Variants in CREB3L3 observed in about 807,000 individuals in gnomAD.
CREB3L3 encodes cyclic AMP-responsive element-binding protein 3-like protein 3.
CREB3L3 carries 40 observed loss-of-function variants against 44.6 expected under a neutral mutation model. The ratio of observed to expected loss-of-function variants is 0.90; its 90% CI spans 0.70 to 1.17. CREB3L3 has a LOEUF of 1.17. Among genes scored for constraint, CREB3L3 ranks in the 50% most tolerant of loss-of-function variants. The pLI is 0.00. For synonymous variants in CREB3L3, 273 were observed against 256.3 expected (o/e 1.06, Z -0.62); for missense variants, 578 against 595.8 (o/e 0.97, Z 0.31).
At chr19:4,164,674 T>C (rs2145132794) in intron 5 of CREB3L3, 34 bp downstream of exon 5, 1 of 1,612,968 alleles carries the variant, frequency 6.2e-7, no homozygotes, top group Non-Finnish European at 8.5e-7. Flanking sequence ...CCTGGATCCA[T>C]CTCCCCTTCG....
chr19:4,162,205 C>G (rs1415958610), intron 4 of CREB3L3, among the ~76,000 whole-genome samples: 1 of 151,958 alleles, frequency 6.6e-6, no homozygotes, highest in Non-Finnish European at 1.5e-5. Flanking sequence ...GGGGTTTCAC[C>G]ATGTTGGTCA....
chr19:4,159,659 G>C lies in CREB3L3; in HGVS notation c.458-5G>C. Reference sequence around the variant, plus strand: ...CCTGTCTCCGTCCCCACCTGCCCTGGTCAGAAATGTGGAGCCCAGGAGGAA... The same window carrying C: ...CCTGTCTCCGTCCCCACCTGCCCTGCTCAGAAATGTGGAGCCCAGGAGGAA... On this transcript the variant is annotated splice_polypyrimidine_tract_variant and splice_region_variant and intron_variant, in intron 3 of 9. Coordinates refer to ENST00000078445, the MANE Select transcript of CREB3L3 (RefSeq NM_032607.3). 1 of 1,432,144 alleles carries C rather than the reference G, an allele frequency of 7.0e-7. No homozygotes were observed. The highest frequency in any genetic ancestry group is 9.9e-7 in the Non-Finnish European group (1 of 1,014,068). The allele number at this position is 1,432,144 out of a possible 1,614,324, so 88.7% of individuals were successfully genotyped here. A position where few individuals can be genotyped will look rare whatever the true frequency, so the allele number is the denominator to read the frequency against.
chr19:4,171,463 C>T lies in CREB3L3; in HGVS notation c.1056C>T (p.Asp352=). The T allele has an allele frequency of 6.2e-7, 1 of 1,614,100 alleles. No individual in the cohort carries two copies. Among genetic ancestry groups the T allele is most frequent in the Non-Finnish European group, 8.5e-7 (1 of 1,179,992 alleles). Residue 352 remains aspartate (D), a synonymous_variant, in exon 9 of 10, where the codon GAC becomes GAT. Coordinates refer to ENST00000078445, the MANE Select transcript of CREB3L3 (RefSeq NM_032607.3). This position sits in a 1 kb window ranked among gnomAD's most constrained non-coding sequence, Gnocchi z 4.9. Reference sequence around the variant, plus strand: ...CCAACAAAACCGAGAGCCCTGGGGACTTTGCGCCTGTACGAGGTAGGGGAT... The same window carrying T: ...CCAACAAAACCGAGAGCCCTGGGGATTTTGCGCCTGTACGAGGTAGGGGAT... ...FGPNKTESPG[D]FAPVRVFSRT...
chr19:4,170,642 G>C (rs530515106), intron 7 of CREB3L3, among the ~76,000 whole-genome samples: 1 of 150,726 alleles, frequency 6.6e-6, no homozygotes, highest in Non-Finnish European at 1.5e-5. Flanking sequence ...TGGTGTGGTG[G>C]CTCACGCCTG....
At chr19:4,155,144 G>A in intron 2 of CREB3L3, 117 bp downstream of exon 2, 1 of 1,274,498 alleles carries the variant, frequency 7.8e-7, no homozygotes, top group Non-Finnish European at 1.1e-6. Context: ...GCTCTACGAT[G>A]CACTAATGGG....
chr19:4,168,433 A>G lies in CREB3L3; in HGVS notation c.797A>G (p.Glu266Gly). The change falls in exon 6 of 10, where the codon GAA becomes GGA. Residue 266 changes from glutamate to glycine, a missense_variant. Coordinates refer to ENST00000078445, the MANE Select transcript of CREB3L3 (RefSeq NM_032607.3). The part of the protein sequence containing the change: ...SAQESRKKKK[E>G]YIDGLETRMS... ...CAAGAAAGCAGGAAGAAGAAGAAGGAATATATCGATGGCCTGGAGACTCGG... is the reference window on the plus strand; with the variant it reads ...CAAGAAAGCAGGAAGAAGAAGAAGGGATATATCGATGGCCTGGAGACTCGG... 1 of 1,610,518 alleles carries G rather than the reference A, an allele frequency of 6.2e-7. No individual in the cohort carries two copies. Among genetic ancestry groups the G allele is most frequent in the Non-Finnish European group, 8.5e-7 (1 of 1,177,986 alleles).
chr19:4,161,340 G>A (rs2041661003), intron 4 of CREB3L3, among the ~76,000 whole-genome samples: 1 of 151,932 alleles, frequency 6.6e-6, no homozygotes, highest in Non-Finnish European at 1.5e-5. Flanking sequence ...TCTTGAACTC[G>A]TAGCCTCAAG....
intron 1 of CREB3L3, 29 bp downstream of exon 1, chr19:4,153,803 CG>C: frequency 6.2e-7 from 1 of 1,613,330 alleles, no homozygotes; most frequent in Non-Finnish European, 8.5e-7. Context: ...CCAGGGAGAG[CG>C]GGAGTCTAGG....
At chr19:4,167,059 T>C (rs995390323) in intron 5 of CREB3L3, among the ~76,000 whole-genome samples, 7 of 152,110 alleles carry the variant, frequency 4.6e-5, no homozygotes, top group African/African-American at 1.4e-4. Context: ...AAGACACTTA[T>C]TGGCCGGGTG....
In CREB3L3 at chr19:4,171,511, T is replaced by G. The variant is rs541484641; in HGVS notation, c.1072+32T>G. 126 of 1,610,654 alleles carry G rather than the reference T, an allele frequency of 7.8e-5. No homozygotes were observed. Among genetic ancestry groups the G allele is most frequent in the Middle Eastern group, 1.7e-4 (1 of 6,058 alleles). ...GATCCCCACCTTTGAAACCCTTGTC[T>G]GGTCTCCCCAAGTCCCCGTCCTGGG... is the stretch of plus-strand genomic sequence containing the variant. On this transcript the variant is annotated intron_variant, in intron 9 of 9. Transcript: ENST00000078445. This position sits in a 1 kb window ranked among gnomAD's most constrained non-coding sequence, Gnocchi z 4.9.
chr19:4,157,288 A>G lies in CREB3L3; in HGVS notation c.450A>G (p.Ile150Met). Residue 150 changes from isoleucine to methionine, a missense_variant, in exon 3 of 10, where the codon ATA becomes ATG. Ile to Met is a conservative substitution (Grantham distance 10). Coordinates refer to ENST00000078445, the MANE Select transcript of CREB3L3 (RefSeq NM_032607.3). ...VIQVPEASVTIDLEMWSPGGR... is the reference protein window; with the variant it reads ...VIQVPEASVTMDLEMWSPGGR... ...AAGTACCTGAAGCCTCTGTGACCAT[A>G]GACCTGGGTGAGTCCTGCTGTGTCT... 6.2e-7 allele frequency: 1 copy of G among 1,614,162 alleles called. No individual in the cohort carries two copies. The highest frequency in any genetic ancestry group is 8.5e-7 in the Non-Finnish European group (1 of 1,180,026).
intron 5 of CREB3L3, among the ~76,000 whole-genome samples, chr19:4,167,011 A>G (rs1281758840): frequency 6.6e-6 from 1 of 151,674 alleles, no homozygotes; most frequent in Non-Finnish European, 1.5e-5. Context: ...GGATTACAGC[A>G]CTGTGAACCA....
At chr19:4,166,805 A>G (rs1405207983) in intron 5 of CREB3L3, among the ~76,000 whole-genome samples, 1 of 151,292 alleles carries the variant, frequency 6.6e-6, no homozygotes, top group Non-Finnish European at 1.5e-5. Flanking sequence ...TGCAACCTTG[A>G]ACTCCTGGTC....
chr19:4,171,802 G>T lies in CREB3L3; in HGVS notation c.1219G>T (p.Asp407Tyr). ...GSPGADWGFQ[D>Y]TANLTNSTEE... is the part of the protein sequence containing the mutation. The stretch of plus-strand genomic sequence containing the variant: ...CCCCGGGGCAGACTGGGGCTTCCAG[G>T]ACACCGCGAACCTGACCAATTCGAC... Residue 407 changes from aspartate (D) to tyrosine (Y), a missense_variant, in exon 10 of 10, where the codon GAC becomes TAC. By Grantham distance (160) the Asp-to-Tyr change is radical. Coordinates refer to ENST00000078445, the MANE Select transcript of CREB3L3 (RefSeq NM_032607.3). The surrounding 1 kb of genome is among the most constrained non-coding windows in gnomAD (Gnocchi z 4.9). 1 of 1,613,608 alleles carries T rather than the reference G, an allele frequency of 6.2e-7. No homozygotes were observed.
Position 4,171,522 on chromosome 19 carries a change from A to C in CREB3L3, c.1072+43A>C. Reference sequence around the variant, plus strand: ...TTGAAACCCTTGTCTGGTCTCCCCAAGTCCCCGTCCTGGGCCTCTGGGGGA... The same window carrying C: ...TTGAAACCCTTGTCTGGTCTCCCCACGTCCCCGTCCTGGGCCTCTGGGGGA... On this transcript the variant is annotated intron_variant, in intron 9 of 9. Transcript: ENST00000078445. The surrounding 1 kb of genome is among the most constrained non-coding windows in gnomAD (Gnocchi z 4.9). The C allele has an allele frequency of 6.2e-7, 1 of 1,607,346 alleles. No homozygotes were observed. Among genetic ancestry groups the C allele is most frequent in the Non-Finnish European group, 8.5e-7 (1 of 1,174,128 alleles).
At chr19:4,155,699 C>T (rs2041562923) in intron 2 of CREB3L3, among the ~76,000 whole-genome samples, 1 of 144,298 alleles carries the variant, frequency 6.9e-6, no homozygotes, top group Non-Finnish European at 1.5e-5. Flanking sequence ...TTTCTCTTTC[C>T]TTCCTTCCTT....
Position 4,171,689 on chromosome 19 carries a change from C to G in CREB3L3, c.1106C>G (p.Ser369Cys). 1 of 1,613,348 alleles carries G rather than the reference C, an allele frequency of 6.2e-7. No homozygotes were observed. Among genetic ancestry groups the G allele is most frequent in the Non-Finnish European group, 8.5e-7 (1 of 1,180,024 alleles). The change falls in exon 10 of 10, where the codon TCC becomes TGC. Residue 369 changes from serine to cysteine, a missense_variant. Physicochemically the swap from Ser to Cys is moderately radical, Grantham distance 112. Transcript: ENST00000078445. This position sits in a 1 kb window ranked among gnomAD's most constrained non-coding sequence, Gnocchi z 4.9. ...AGAACTTTGCACAACGATGCTGCCT[C>G]CCGCGTGGCTGCTGATGCTGTGCCA... ...FSRTLHNDAASRVAADAVPGS... is the reference protein window; with the variant it reads ...FSRTLHNDAACRVAADAVPGS...
Position 4,172,714 on chromosome 19 carries a change from G to A in CREB3L3, c.*745G>A. 4.2e-6 allele frequency: 1 copy of A among 236,006 alleles called. No homozygotes were observed. Among genetic ancestry groups the A allele is most frequent in the Non-Finnish European group, 8.4e-6 (1 of 119,448 alleles). The allele number at this position is 236,006 out of a possible 1,614,324, so 14.6% of individuals were successfully genotyped here. A position where few individuals can be genotyped will look rare whatever the true frequency, so the allele number is the denominator to read the frequency against. Reference sequence around the variant, plus strand: ...AGACCCAGACAGACAGACAGACACAGCCTGAAACAGACCCAGACAGACAGA... The same window carrying A: ...AGACCCAGACAGACAGACAGACACAACCTGAAACAGACCCAGACAGACAGA... On this transcript the variant is annotated 3_prime_UTR_variant, in exon 10 of 10. Coordinates refer to ENST00000078445, the MANE Select transcript of CREB3L3 (RefSeq NM_032607.3).
chr19:4,156,548 A>G (rs1349374790), intron 2 of CREB3L3, among the ~76,000 whole-genome samples: 1 of 129,078 alleles, frequency 7.7e-6, no homozygotes, highest in African/African-American at 3.0e-5. Context: ...TCTGTTGCCT[A>G]GGGTGGAGTG....
Sources: gnomAD v4.1 joint callset for allele counts (sites outside exome capture counted in the v4.1 genomes callset) on GRCh38, gnomAD v4.1.1 for gene constraint, Gnocchi (gnomAD v3.1) non-coding constraint, MANE v1.5 for transcripts, NCBI Gene and HGNC (gene_info 2026-07-23, HGNC 2026-07-21) for gene names.